Variants in CNTNAP2 observed in about 807,000 individuals in gnomAD.
CNTNAP2 encodes contactin-associated protein-like 2.
In CNTNAP2, 98 loss-of-function variants were observed where a neutral mutation model predicts 155.2. The observed-to-expected ratio is 0.63, with a 90% CI of 0.54 to 0.75. The LOEUF (loss-of-function observed/expected upper bound fraction) is 0.75. Ranked by LOEUF, CNTNAP2 falls within the 30% of genes least tolerant of loss-of-function variation. The pLI, the probability that CNTNAP2 is intolerant of heterozygous loss-of-function variation, is 0.00. For missense variants in CNTNAP2, 1,727 were observed against 1,688.1 expected (o/e 1.02, Z -0.40); for synonymous variants, 651 against 631.2 (o/e 1.03, Z -0.47).
chr7:146,229,276 T>A (rs1799345332), intron 1 of CNTNAP2, among the ~76,000 whole-genome samples: 1 of 152,216 alleles, frequency 6.6e-6, no homozygotes, highest in Non-Finnish European at 1.5e-5. Flanking sequence ...GAACATTCTG[T>A]TTCAGTGGTA....
chr7:146,343,788 A>T (rs1794771615), intron 1 of CNTNAP2, among the ~76,000 whole-genome samples: 1 of 152,096 alleles, frequency 6.6e-6, no homozygotes, highest in Admixed American at 6.6e-5. Context: ...AGCATAAAAT[A>T]AAGTAAAGGC....
intron 11 of CNTNAP2, among the ~76,000 whole-genome samples, chr7:147,510,310 C>A (rs2116687646): frequency 6.6e-6 from 1 of 152,252 alleles, no homozygotes; most frequent in East Asian, 1.9e-4. Context: ...CCACCTTATC[C>A]TTGCCATGTA....
intron 15 of CNTNAP2, among the ~76,000 whole-genome samples, chr7:148,109,762 T>C (rs528238488): frequency 6.6e-6 from 1 of 152,322 alleles, no homozygotes; most frequent in East Asian, 1.9e-4. Context: ...TTACATACCT[T>C]GTAAGCTATA....
chr7:146,210,492 C>T (rs1014800612), intron 1 of CNTNAP2, among the ~76,000 whole-genome samples: 2 of 152,022 alleles, frequency 1.3e-5, no homozygotes, highest in Non-Finnish European at 2.9e-5. Flanking sequence ...TTAGTAGATA[C>T]GGGGTTTCAC....
intron 8 of CNTNAP2, among the ~76,000 whole-genome samples, chr7:147,149,610 A>G (rs1801783911): frequency 6.6e-6 from 1 of 152,204 alleles, no homozygotes; most frequent in Admixed American, 6.5e-5. Context: ...TATGATTTTT[A>G]AAAGATAGCT....
intron 13 of CNTNAP2, among the ~76,000 whole-genome samples, chr7:147,726,512 A>G (rs1473462525): frequency 6.6e-6 from 1 of 151,980 alleles, no homozygotes; most frequent in African/African-American, 2.4e-5. Flanking sequence ...TCTTTATGTT[A>G]AGGGCAGGGG....
chr7:148,381,314 G>T (rs545428068), intron 21 of CNTNAP2: 1 of 152,262 alleles, frequency 6.6e-6, no homozygotes, highest in Non-Finnish European at 1.5e-5. Flanking sequence ...CACACTAGCA[G>T]CATCCGAGCT....
chr7:146,419,298 C>A (rs1220055514), intron 1 of CNTNAP2, among the ~76,000 whole-genome samples: 1 of 152,066 alleles, frequency 6.6e-6, no homozygotes, highest in African/African-American at 2.4e-5. Context: ...CTGCCCTCAT[C>A]ATTCAATTAT....
At chr7:148,257,922 AACAC>A (rs59515015) in intron 20 of CNTNAP2, among the ~76,000 whole-genome samples, 8,246 of 138,714 alleles carry the variant, frequency 0.059, 334 homozygotes, top group African/African-American at 0.12. Flanking sequence ...CCACACCTTA[AACAC>A]ACACACACAC....
chr7:147,029,647 A>T (rs944253664), intron 3 of CNTNAP2, among the ~76,000 whole-genome samples: 6 of 151,838 alleles, frequency 4.0e-5, no homozygotes, highest in African/African-American at 1.5e-4. Flanking sequence ...GCTCTTCTAT[A>T]TTTTGAAGAA....
At chr7:147,402,958 A>G (rs1345839709) in intron 10 of CNTNAP2, among the ~76,000 whole-genome samples, 1 of 145,946 alleles carries the variant, frequency 6.9e-6, no homozygotes, top group Non-Finnish European at 1.5e-5. Context: ...TCCTGAAAAA[A>G]AAAAAAAAAA....
chr7:147,617,588 A>T (rs946898970), intron 12 of CNTNAP2, among the ~76,000 whole-genome samples: 2 of 152,166 alleles, frequency 1.3e-5, no homozygotes, highest in Non-Finnish European at 2.9e-5. Context: ...TGTGAGAAAG[A>T]CAATAAAAAT....
intron 3 of CNTNAP2, among the ~76,000 whole-genome samples, chr7:146,958,781 T>C (rs543620838): frequency 1.3e-5 from 2 of 152,216 alleles, no homozygotes; most frequent in East Asian, 3.9e-4. Context: ...CCTCAATATA[T>C]TGTTGCCTGG....
At chr7:147,202,061 A>G (rs552331694) in intron 8 of CNTNAP2, among the ~76,000 whole-genome samples, 3 of 152,316 alleles carry the variant, frequency 2.0e-5, no homozygotes, top group African/African-American at 7.2e-5. Context: ...ACGAGAATAA[A>G]GATGAAAATA....
chr7:146,547,623 T>C (rs1042264390), intron 1 of CNTNAP2, among the ~76,000 whole-genome samples: 2 of 151,988 alleles, frequency 1.3e-5, no homozygotes, highest in Non-Finnish European at 2.9e-5. Context: ...TATAATATCC[T>C]CAAGATTCAT....
intron 1 of CNTNAP2, among the ~76,000 whole-genome samples, chr7:146,574,843 A>G (rs1232058723): frequency 6.6e-6 from 1 of 152,174 alleles, no homozygotes; most frequent in Non-Finnish European, 1.5e-5. Flanking sequence ...ACAGTAGATA[A>G]TGACCTACTG....
At chr7:147,798,888 G>C (rs1797944465) in intron 13 of CNTNAP2, among the ~76,000 whole-genome samples, 1 of 152,034 alleles carries the variant, frequency 6.6e-6, no homozygotes, top group Admixed American at 6.6e-5. Flanking sequence ...CAGCACACAG[G>C]GTCTCTGATG....
intron 13 of CNTNAP2, among the ~76,000 whole-genome samples, chr7:147,671,169 C>CT (rs1795781386): frequency 6.6e-6 from 1 of 152,224 alleles, no homozygotes; most frequent in South Asian, 2.1e-4. Flanking sequence ...TGTTTGCGCA[C>CT]TCCAGTTCTC....
In CNTNAP2 at chr7:146,162,550, C is replaced by G. The variant is rs571518477; in HGVS notation, c.97+45577C>G. On this transcript the variant is annotated intron_variant, in intron 1 of 23. Coordinates refer to ENST00000361727, the MANE Select transcript of CNTNAP2 (RefSeq NM_014141.6). ...GTGGAGAAATAGGAATGCTTTTACACTATTGGTGGGACTGTAAACTAGTTC... is the reference window on the plus strand; with the variant it reads ...GTGGAGAAATAGGAATGCTTTTACAGTATTGGTGGGACTGTAAACTAGTTC... 2.6e-5 allele frequency among the ~76,000 whole-genome samples: 4 copies of G among 152,314 alleles called. No individual in the cohort carries two copies. The South Asian group carries it at 6.2e-4, about 24-fold the overall frequency.
Sources: gnomAD v4.1 joint callset for allele counts (sites outside exome capture counted in the v4.1 genomes callset) on GRCh38, gnomAD v4.1.1 for gene constraint, MANE v1.5 for transcripts, NCBI Gene and HGNC (gene_info 2026-07-23, HGNC 2026-07-21) for gene names.